The following PGLYRP4 variants were observed in gnomAD, a reference collection of about 807,000 sequenced individuals.
PGLYRP4 encodes the protein peptidoglycan recognition protein 4, also known as PGRP-I-beta.
A neutral mutation model predicts 41.2 loss-of-function variants in PGLYRP4; 39 were observed. The ratio of observed to expected loss-of-function variants is 0.95; its 90% CI spans 0.73 to 1.24. The LOEUF (loss-of-function observed/expected upper bound fraction) is 1.24. Among genes scored for constraint, PGLYRP4 ranks in the 50% most tolerant of loss-of-function variants. The pLI, the probability that PGLYRP4 is intolerant of heterozygous loss-of-function variation, is 0.00. For synonymous variants in PGLYRP4, 202 were observed against 186.8 expected (o/e 1.08, Z -0.66); for missense variants, 467 against 460.7 (o/e 1.01, Z -0.13).
chr1:153,330,984 G>C lies in PGLYRP4; in HGVS notation c.944-39C>G, dbSNP rs565765735. The stretch of plus-strand genomic sequence containing the variant: ...CAGCCCATTGTCTACAGGATTACAG[G>C]GCACCCTGCAAAATAGAACATATCC... On this transcript the variant is annotated intron_variant, in intron 8 of 8. Coordinates refer to ENST00000359650, the MANE Select transcript of PGLYRP4 (RefSeq NM_020393.4). 126 of 1,557,886 alleles carry C rather than the reference G, an allele frequency of 8.1e-5. 2 individuals carry two copies. The highest frequency in any genetic ancestry group is 6.9e-4 in the Middle Eastern group (4 of 5,834).
chr1:153,335,484 A>G lies in PGLYRP4; in HGVS notation c.943+1697T>C, dbSNP rs146532294. 5.0e-3 allele frequency among the ~76,000 whole-genome samples: 762 copies of G among 152,310 alleles called. 7 individuals carry two copies. The highest frequency in any genetic ancestry group is 0.018 in the African/African-American group (737 of 41,562). On this transcript the variant is annotated intron_variant, in intron 8 of 8. Transcript: ENST00000359650. The stretch of plus-strand genomic sequence containing the variant: ...CAGAGAAATGCAAATTAAAATCACA[A>G]TGAGATAGCATCTTACACCAGTCAG...
rs1445703377 is a variant in PGLYRP4 at position 153,340,429 on chromosome 1, A to G, written c.776T>C (p.Ile259Thr). ...SDECRLLVRD[I>T]QSFYIDRLKS... ...GAGCCTGTCTATGTAGAAAGACTGG[A>G]TGTCCCGGACCAGCAGGCGGCACTC... The change falls in exon 7 of 9, where the codon ATC becomes ACC. Residue 259 changes from isoleucine to threonine, a missense_variant. Transcript: ENST00000359650. 6.2e-7 allele frequency: 1 copy of G among 1,614,058 alleles called. No homozygotes were observed. The highest frequency in any genetic ancestry group is 1.3e-5 in the African/African-American group (1 of 74,904).
chr1:153,347,223 G>A (rs1467118497), intron 2 of PGLYRP4, among the ~76,000 whole-genome samples: 3 of 151,868 alleles, frequency 2.0e-5, no homozygotes, highest in Non-Finnish European at 2.9e-5. Flanking sequence ...ACAGGAGCGC[G>A]CCAGATGGAG....
rs143267492 is a variant in PGLYRP4, at chr1:153,337,406, C to G, written c.825-107G>C. The G allele has an allele frequency of 1.3e-3, 881 of 678,706 alleles. 7 individuals are homozygous for G. Among genetic ancestry groups the G allele is most frequent in the African/African-American group, 0.013 (707 of 55,238 alleles). 42.0% of individuals were successfully genotyped at this position (678,706 alleles called of 1,614,324 possible). A position where few individuals can be genotyped will look rare whatever the true frequency, so the allele number is the denominator to read the frequency against. The stretch of plus-strand genomic sequence containing the variant: ...CTTTACTACTTCAGACTTTGATTAT[C>G]TATTGGATTCTAAGCACTGGGTTAC... On this transcript the variant is annotated intron_variant, in intron 7 of 8. Transcript: ENST00000359650.
intron 6 of PGLYRP4, 105 bp from the exon 7 acceptor site, chr1:153,340,684 C>T (rs781591066): frequency 1.8e-6 from 2 of 1,139,918 alleles, no homozygotes; most frequent in Non-Finnish European, 2.5e-6. Flanking sequence ...CTTCCCAAAC[C>T]CCTCTGGGTC....
Position 153,343,179 on chromosome 1 carries a change from T to A in PGLYRP4, c.383A>T (p.Tyr128Phe). ...TTGGATATTCCAGCCAACACCTTCA[T>A]ACACCCTGCCATCATCCCCAACCAG... ...NFLVGDDGRV[Y>F]EGVGWNIQGV... Residue 128 changes from tyrosine to phenylalanine, a missense_variant, in exon 5 of 9, where the codon TAT becomes TTT. Physicochemically the swap from Tyr to Phe is conservative, Grantham distance 22. Transcript: ENST00000359650. 1 of 1,613,728 alleles carries A rather than the reference T, an allele frequency of 6.2e-7. No homozygotes were observed. Among genetic ancestry groups the A allele is most frequent in the Non-Finnish European group, 8.5e-7 (1 of 1,179,626 alleles).
At chr1:153,345,656 G>A (rs563003783) in intron 3 of PGLYRP4, among the ~76,000 whole-genome samples, 93 of 152,324 alleles carry the variant, frequency 6.1e-4, no homozygotes, top group Middle Eastern at 3.4e-3. Flanking sequence ...CTGCACTTCA[G>A]GAAGCATCAC....
chr1:153,330,982 AG>A, intron 8 of PGLYRP4, 37 bp from the exon 9 acceptor site: 1 of 1,567,306 alleles, frequency 6.4e-7, no homozygotes, highest in Non-Finnish European at 8.7e-7. Context: ...ACAGGATTAC[AG>A]GGCACCCTGC....
intron 5 of PGLYRP4, among the ~76,000 whole-genome samples, chr1:153,342,089 G>A (rs1405287697): frequency 6.6e-6 from 1 of 152,180 alleles, no homozygotes. Flanking sequence ...CCCATCAGAA[G>A]GGGCCCCTCC....
intron 7 of PGLYRP4, among the ~76,000 whole-genome samples, chr1:153,338,921 T>G (rs1031417710): frequency 3.3e-5 from 5 of 152,222 alleles, no homozygotes; most frequent in African/African-American, 7.2e-5. Flanking sequence ...ATTGGCTCCA[T>G]GCAGGCAAGA....
chr1:153,334,649 A>G (rs941692242), intron 8 of PGLYRP4, among the ~76,000 whole-genome samples: 5 of 151,860 alleles, frequency 3.3e-5, no homozygotes, highest in African/African-American at 7.3e-5. Flanking sequence ...TACAGATTCA[A>G]CGCAGTTCCT....
At chr1:153,340,636 TCTC>T in intron 6 of PGLYRP4, 57 bp from the exon 7 acceptor site, 1 of 1,548,916 alleles carries the variant, frequency 6.5e-7, no homozygotes, top group Non-Finnish European at 8.8e-7. Context: ...GCCAGCCACT[TCTC>T]CACCGTAGGC....
chr1:153,341,828 G>T, intron 5 of PGLYRP4, 49 bp from the exon 6 acceptor site: 1 of 1,563,966 alleles, frequency 6.4e-7, no homozygotes, highest in South Asian at 1.2e-5. Context: ...TGAGTTTCAG[G>T]GGATCTTTTG....
At position 153,345,357 on chromosome 1, in the gene PGLYRP4, C is replaced by T. The variant is rs200363446; in HGVS notation, c.165G>A (p.Thr55=). The change falls in exon 4 of 9, where the codon ACG becomes ACA. Residue 55 remains threonine (T), a synonymous_variant. Coordinates refer to ENST00000359650, the MANE Select transcript of PGLYRP4 (RefSeq NM_020393.4). ...CTGCCCCCCATGCCTTGCGAGAGAC[C>T]GTGGTGGAGACATCTGTGGGAAGGC... ...EKGLPTDVST[T]VSRKAWGAEA... 22 of 1,614,142 alleles carry T rather than the reference C, an allele frequency of 1.4e-5. No homozygotes were observed. In the East Asian group the frequency reaches 2.0e-4, roughly 15 times the overall value.
intron 8 of PGLYRP4, among the ~76,000 whole-genome samples, chr1:153,333,294 C>A (rs1017057992): frequency 1.3e-5 from 2 of 152,104 alleles, no homozygotes; most frequent in African/African-American, 4.8e-5. Context: ...ATGAGCATCT[C>A]TATGCATATA....
intron 1 of PGLYRP4, 83 bp from the exon 2 acceptor site, chr1:153,348,061 T>A: frequency 1.4e-6 from 1 of 734,128 alleles, no homozygotes; most frequent in Non-Finnish European, 2.3e-6. Context: ...GGGTGCCATC[T>A]GCCTCCTCTA....
rs773483411 is a variant in PGLYRP4, at chr1:153,337,293, C to G, written c.831G>C (p.Leu277=). The G allele has an allele frequency of 1.4e-5, 22 of 1,603,720 alleles. 1 individual carries two copies. The Admixed American group carries it at 3.7e-4, about 27-fold the overall frequency. Residue 277 remains leucine (L), a synonymous_variant, in exon 8 of 9, where the codon CTG becomes CTC. Transcript: ENST00000359650. The part of the protein sequence containing the change: ...LKSCDIGYNF[L]VGQDGAIYEG... ...CATAAATGGCGCCATCCTGGCCCAC[C>G]AGGAAGCTAGAGGACCACAAGGGGA...
At position 153,330,828 on chromosome 1, in the gene PGLYRP4, G is replaced by A. The variant is rs754730318; in HGVS notation, c.1061C>T (p.Thr354Ile). The stretch of plus-strand genomic sequence containing the variant: ...GTACAAAGCCTGCCCAGGAGACAAG[G>A]TTCGGGCCACATCACTGTGGCCCAC... ...LLVGHSDVAR[T>I]LSPGQALYNI... The change falls in exon 9 of 9, where the codon ACC (threonine) becomes ATC (isoleucine). Residue 354 changes from threonine to isoleucine, a missense_variant. Coordinates refer to ENST00000359650, the MANE Select transcript of PGLYRP4 (RefSeq NM_020393.4). 1.5e-5 allele frequency: 24 copies of A among 1,614,036 alleles called. No homozygotes were observed. The East Asian group carries it at 4.9e-4, about 33-fold the overall frequency.
chr1:153,334,991 G>A (rs1053764986), intron 8 of PGLYRP4, among the ~76,000 whole-genome samples: 1 of 152,022 alleles, frequency 6.6e-6, no homozygotes, highest in Non-Finnish European at 1.5e-5. Flanking sequence ...TGAGAAAGTT[G>A]GATAGTCACA....
Sources: allele counts gnomAD v4.1 joint callset (sites outside exome capture counted in the v4.1 genomes callset), GRCh38; gene constraint gnomAD v4.1.1; transcripts MANE v1.5; gene names NCBI Gene and HGNC (gene_info 2026-07-23, HGNC 2026-07-21).